ADAMTS18: variants seen among roughly 807,000 people sequenced by gnomAD.
The protein encoded by ADAMTS18 is ADAM metallopeptidase with thrombospondin type 1 motif 18.
ADAMTS18 carries 157 observed loss-of-function variants against 165.9 expected under a neutral mutation model. The observed-to-expected ratio is 0.95, with a 90% CI of 0.83 to 1.08. The LOEUF (loss-of-function observed/expected upper bound fraction) is 1.08, where lower values mean the gene tolerates loss of function less well. Among genes scored for constraint, ADAMTS18 ranks in the 50% least tolerant of loss-of-function variants. The probability of loss-of-function intolerance (pLI) is 0.00; values close to 1 mark genes in which losing one functional copy is unlikely to be tolerated. For synonymous variants in ADAMTS18, 782 were observed against 578.2 expected (o/e 1.35, Z -5.06); for missense variants, 2,040 against 1,534.0 (o/e 1.33, Z -5.51).
intron 3 of ADAMTS18, among the ~76,000 whole-genome samples, chr16:77,371,972 T>C (rs1332456459): frequency 6.6e-6 from 1 of 151,924 alleles, no homozygotes; most frequent in Non-Finnish European, 1.5e-5. Context: ...AAAACCTAAA[T>C]AAATACTTCT....
intron 19 of ADAMTS18, among the ~76,000 whole-genome samples, chr16:77,294,697 C>T (rs1449464871): frequency 6.6e-6 from 1 of 152,192 alleles, no homozygotes; most frequent in African/African-American, 2.4e-5. Flanking sequence ...GGCCCCCACA[C>T]TCCAATTTCT....
At chr16:77,370,547 T>A (rs1176230133) in intron 3 of ADAMTS18, among the ~76,000 whole-genome samples, 1 of 152,074 alleles carries the variant, frequency 6.6e-6, no homozygotes, top group South Asian at 2.1e-4. Flanking sequence ...GTCAGGAGTC[T>A]GAGACCAGCC....
rs948589369 is a variant in ADAMTS18 at position 77,282,410 on chromosome 16, C to T, written c.*1546G>A. 6.6e-6 allele frequency: 1 copy of T among 151,826 alleles called. No individual in the cohort carries two copies. The highest frequency in any genetic ancestry group is 1.5e-5 in the Non-Finnish European group (1 of 67,976). 9.4% of individuals were successfully genotyped at this position (151,826 alleles called of 1,614,324 possible). Reference sequence around the variant, plus strand: ...TTTTTTTTTCCTGTTGATAAAATGGCCACTTCTCTAGGCCAAGCCAAGCAG... The same window carrying T: ...TTTTTTTTTCCTGTTGATAAAATGGTCACTTCTCTAGGCCAAGCCAAGCAG... On this transcript the variant is annotated 3_prime_UTR_variant, in exon 23 of 23. Transcript: ENST00000282849.
rs71137814 is a variant in ADAMTS18, at chr16:77,403,999, T to TCCTCCCTC, written c.495+27288_495+27295dup. Among the ~76,000 whole-genome samples, 9 of 139,838 alleles carry TCCTCCCTC rather than the reference T, an allele frequency of 6.4e-5. No individual in the cohort carries two copies. The South Asian group carries it at 9.5e-4, about 15-fold the overall frequency. 91.7% of individuals were successfully genotyped at this position (139,838 alleles called of 152,430 possible). On this transcript the variant is annotated intron_variant, in intron 3 of 22. Coordinates refer to ENST00000282849, the MANE Select transcript of ADAMTS18 (RefSeq NM_199355.4). ...TTTTAAACTGGAAGCAACCCACCCT[T>TCCTCCCTC]CCTCCCTCCCTCCCTCCCTCCCTCC... is the stretch of plus-strand genomic sequence containing the variant.
At chr16:77,327,429 A>G (rs2056114790) in intron 12 of ADAMTS18, among the ~76,000 whole-genome samples, 2 of 152,274 alleles carry the variant, frequency 1.3e-5, no homozygotes, top group South Asian at 2.1e-4. Flanking sequence ...AGAACATACA[A>G]TGTTTGGTTT....
At chr16:77,329,901 A>G (rs1037738472) in intron 12 of ADAMTS18, among the ~76,000 whole-genome samples, 2 of 152,194 alleles carry the variant, frequency 1.3e-5, no homozygotes, top group Non-Finnish European at 2.9e-5. Context: ...AACTATAAAG[A>G]GCATACCATC....
chr16:77,289,254 G>A lies in ADAMTS18; in HGVS notation c.3550+10C>T. 1 of 1,614,056 alleles carries A rather than the reference G, an allele frequency of 6.2e-7. No homozygotes were observed. The highest frequency in any genetic ancestry group is 8.5e-7 in the Non-Finnish European group (1 of 1,179,934). On this transcript the variant is annotated intron_variant, in intron 22 of 22. Coordinates refer to ENST00000282849, the MANE Select transcript of ADAMTS18 (RefSeq NM_199355.4). ...CTAGTAAAGTTGACTGGAGCATGGT[G>A]CCTTTTTACCTCTCTTTTCAGGAGC...
chr16:77,431,869 T>C (rs2057744614), intron 2 of ADAMTS18: 8 of 545,874 alleles, frequency 1.5e-5, no homozygotes, highest in African/African-American at 3.8e-5. Context: ...TGTGGAAAAA[T>C]GTAACACCTC....
At chr16:77,297,187 C>G in intron 18 of ADAMTS18, 102 bp downstream of exon 18, 1 of 1,509,992 alleles carries the variant, frequency 6.6e-7, no homozygotes, top group Non-Finnish European at 9.2e-7. Context: ...CTTTGAATCA[C>G]TTTCCATTAG....
At chr16:77,401,267 TAAC>T (rs969297269) in intron 3 of ADAMTS18, among the ~76,000 whole-genome samples, 5 of 151,596 alleles carry the variant, frequency 3.3e-5, no homozygotes, top group African/African-American at 4.8e-5. Context: ...ACAACAACAA[TAAC>T]AACAACAACA....
chr16:77,297,132 G>C (rs761798089), intron 18 of ADAMTS18, among the ~76,000 whole-genome samples, 157 bp downstream of exon 18: 1 of 152,108 alleles, frequency 6.6e-6, no homozygotes, highest in African/African-American at 2.4e-5. Context: ...GTGCCACCAT[G>C]CCTAGCTCAT....
At chr16:77,290,957 C>T (rs78457589) in intron 21 of ADAMTS18, 74 of 430,238 alleles carry the variant, frequency 1.7e-4, no homozygotes, top group East Asian at 9.0e-4. Flanking sequence ...TGGTAGTTTC[C>T]GTAGCAACAG....
At chr16:77,375,593 CG>C (rs1426925484) in intron 3 of ADAMTS18, among the ~76,000 whole-genome samples, 2 of 152,022 alleles carry the variant, frequency 1.3e-5, no homozygotes, top group Non-Finnish European at 2.9e-5. Flanking sequence ...AGCTAAGGAG[CG>C]GAAGGGGTGG....
At chr16:77,360,002 T>A (rs1036351646) in intron 7 of ADAMTS18, among the ~76,000 whole-genome samples, 1 of 152,226 alleles carries the variant, frequency 6.6e-6, no homozygotes, top group African/African-American at 2.4e-5. Context: ...AGAGCCATTA[T>A]AAAAGCATCC....
chr16:77,311,389 T>G (rs550544813), intron 16 of ADAMTS18, among the ~76,000 whole-genome samples: 1 of 152,366 alleles, frequency 6.6e-6, no homozygotes, highest in Admixed American at 6.5e-5. Context: ...GTATTCATTT[T>G]GGCTCTTCAT....
chr16:77,369,284 C>A (rs555794313), intron 3 of ADAMTS18, among the ~76,000 whole-genome samples: 1 of 152,074 alleles, frequency 6.6e-6, no homozygotes, highest in African/African-American at 2.4e-5. Context: ...TTTTAAAAAA[C>A]CAACTTTTTG....
In ADAMTS18 at chr16:77,289,427, G is replaced by C; in HGVS notation, c.3403-16C>G. On this transcript the variant is annotated splice_polypyrimidine_tract_variant and intron_variant, in intron 21 of 22. Transcript: ENST00000282849. Reference sequence around the variant, plus strand: ...TGACTGTGCACTGCAGCAGAGAGAAGAGGAAGGAGTCAGAAACACTCTACT... The same window carrying C: ...TGACTGTGCACTGCAGCAGAGAGAACAGGAAGGAGTCAGAAACACTCTACT... 1 of 1,613,686 alleles carries C rather than the reference G, an allele frequency of 6.2e-7. No homozygotes were observed. The highest frequency in any genetic ancestry group is 8.5e-7 in the Non-Finnish European group (1 of 1,179,894).
chr16:77,371,030 C>T (rs1248322040), intron 3 of ADAMTS18, among the ~76,000 whole-genome samples: 2 of 152,094 alleles, frequency 1.3e-5, no homozygotes, highest in African/African-American at 4.8e-5. Context: ...GCCTGGGCAA[C>T]ATAGTGAAAC....
At chr16:77,364,975 G>T (rs1218882978) in intron 4 of ADAMTS18, among the ~76,000 whole-genome samples, 1 of 152,068 alleles carries the variant, frequency 6.6e-6, no homozygotes, top group East Asian at 1.9e-4. Context: ...GCATGGTGGT[G>T]CATGCTTGTA....
Sources: gnomAD v4.1 joint callset for allele counts (sites outside exome capture counted in the v4.1 genomes callset) on GRCh38, gnomAD v4.1.1 for gene constraint, MANE v1.5 for transcripts, NCBI Gene and HGNC (gene_info 2026-07-23, HGNC 2026-07-21) for gene names.